The following NT5DC3 variants were observed in gnomAD, a reference collection of about 807,000 sequenced individuals.
NT5DC3 encodes 5'-nucleotidase domain-containing protein 3.
In NT5DC3, 42 loss-of-function variants were observed where a neutral mutation model predicts 67.8. The observed-to-expected ratio is 0.62, with a 90% CI of 0.48 to 0.80. The LOEUF (loss-of-function observed/expected upper bound fraction) is 0.80. NT5DC3 is among the 30% of genes least tolerant of loss of function. The pLI is 0.00. For synonymous variants in NT5DC3, 237 were observed against 255.6 expected, an observed-to-expected ratio of 0.93 and a Z score of 0.69; for missense variants, 570 against 696.4, an observed-to-expected ratio of 0.82 and a Z score of 2.04.
chr12:103,831,770 CTTTTT>C (rs568035358), intron 1 of NT5DC3, among the ~76,000 whole-genome samples: 20,830 of 109,648 alleles, frequency 0.19, 1,570 homozygotes, highest in Middle Eastern at 0.29. Flanking sequence ...TCAGCATCCT[CTTTTT>C]TTTTTTTTTT....
At chr12:103,826,829 T>C (rs1887716595) in intron 1 of NT5DC3, among the ~76,000 whole-genome samples, 1 of 152,216 alleles carries the variant, frequency 6.6e-6, no homozygotes, top group Non-Finnish European at 1.5e-5. Flanking sequence ...CCACAGAACT[T>C]TGCACAAATA....
intron 10 of NT5DC3, among the ~76,000 whole-genome samples, chr12:103,788,073 G>C (rs1041106795): frequency 6.6e-6 from 1 of 151,894 alleles, no homozygotes; most frequent in African/African-American, 2.4e-5. Context: ...ATGAACTTTA[G>C]TAACATAATA....
chr12:103,777,337 G>T lies in NT5DC3; in HGVS notation c.*492C>A, dbSNP rs1353841777. 6.3e-6 allele frequency: 1 copy of T among 158,132 alleles called. No individual in the cohort carries two copies. The highest frequency in any genetic ancestry group is 2.4e-5 in the African/African-American group (1 of 41,530). The allele number at this position is 158,132 out of a possible 1,614,324, so 9.8% of individuals were successfully genotyped here. Reference sequence around the variant, plus strand: ...ATTTGGGAACTGGCCATCACCTGGGGAACCTCTCTGCCACTCACAGCAGCG... The same window carrying T: ...ATTTGGGAACTGGCCATCACCTGGGTAACCTCTCTGCCACTCACAGCAGCG... On this transcript the variant is annotated 3_prime_UTR_variant, in exon 14 of 14. Coordinates refer to ENST00000392876, the MANE Select transcript of NT5DC3 (RefSeq NM_001031701.3).
chr12:103,816,178 G>A (rs1327102544), intron 1 of NT5DC3, among the ~76,000 whole-genome samples: 5 of 152,134 alleles, frequency 3.3e-5, no homozygotes, highest in African/African-American at 4.8e-5. Context: ...TATCCAAAAC[G>A]TTTGGGAACA....
At chr12:103,800,857 T>A (rs1431778849) in intron 4 of NT5DC3, among the ~76,000 whole-genome samples, 1 of 152,214 alleles carries the variant, frequency 6.6e-6, no homozygotes, top group Non-Finnish European at 1.5e-5. Context: ...AATTTATCCC[T>A]TTTGGGTCTC....
the NT5DC3 span, chr12:103,755,508 C>A: frequency 6.2e-7 from 1 of 1,609,920 alleles, no homozygotes; most frequent in Non-Finnish European, 8.5e-7. Context: ...GGCCACACAG[C>A]TGCTGAGCAA....
chr12:103,784,922 C>T (rs1885700789), intron 12 of NT5DC3, among the ~76,000 whole-genome samples: 1 of 152,196 alleles, frequency 6.6e-6, no homozygotes, highest in African/African-American at 2.4e-5. Context: ...TTCCAGTAAG[C>T]CATGGTGCCT....
chr12:103,788,334 C>T (rs1308175633), intron 10 of NT5DC3, among the ~76,000 whole-genome samples: 1 of 152,092 alleles, frequency 6.6e-6, no homozygotes, highest in Non-Finnish European at 1.5e-5. Flanking sequence ...TGATCCCAGC[C>T]ACCTGGGAGG....
intron 2 of NT5DC3, among the ~76,000 whole-genome samples, chr12:103,813,024 G>A (rs1050501085): frequency 1.3e-5 from 2 of 152,234 alleles, no homozygotes; most frequent in Non-Finnish European, 2.9e-5. Context: ...GATAAAGGCA[G>A]AATTTGAACC....
intron 9 of NT5DC3, among the ~76,000 whole-genome samples, chr12:103,790,790 C>T (rs914039010): frequency 5.1e-5 from 7 of 137,312 alleles, no homozygotes; most frequent in African/African-American, 1.3e-4. Flanking sequence ...CCCAGGTTCA[C>T]GCCATTCTCC....
chr12:103,761,490 C>G, the NT5DC3 span: 2 of 1,248,032 alleles, frequency 1.6e-6, no homozygotes, highest in Non-Finnish European at 2.3e-6. Flanking sequence ...TTACCAGAAG[C>G]CCTGTCCTCC....
intron 11 of NT5DC3, 77 bp from the exon 12 acceptor site, chr12:103,785,552 G>C: frequency 7.0e-7 from 1 of 1,431,584 alleles, no homozygotes; most frequent in Non-Finnish European, 9.8e-7. Context: ...CCAGACATGA[G>C]AGGCATTCAT....
At chr12:103,787,660 C>A in intron 10 of NT5DC3, 133 bp from the exon 11 acceptor site, 1 of 501,200 alleles carries the variant, frequency 2.0e-6, no homozygotes, top group Non-Finnish European at 3.5e-6. Flanking sequence ...AAGATAAAAG[C>A]ACCTTCATGG....
the NT5DC3 span, among the ~76,000 whole-genome samples, chr12:103,752,466 G>C: frequency 6.6e-6 from 1 of 152,310 alleles, no homozygotes; most frequent in South Asian, 2.1e-4. Flanking sequence ...ATAAAAATGT[G>C]ACTTGCTTCT....
At chr12:103,749,481 G>C in the NT5DC3 span, among the ~76,000 whole-genome samples, 1 of 152,050 alleles carries the variant, frequency 6.6e-6, no homozygotes, top group Non-Finnish European at 1.5e-5. Flanking sequence ...AGGAGAGTTT[G>C]CTCTTTGGCC....
the NT5DC3 span, chr12:103,746,796 C>A: frequency 7.7e-7 from 1 of 1,304,034 alleles, no homozygotes; most frequent in Non-Finnish European, 1.1e-6. Context: ...CCTAGCCCTC[C>A]TTCCTGTCTG....
intron 10 of NT5DC3, 46 bp downstream of exon 10, chr12:103,788,792 G>A (rs570886743): frequency 2.7e-4 from 339 of 1,264,294 alleles, no homozygotes; most frequent in Non-Finnish European, 3.7e-4. Flanking sequence ...CATTATTACC[G>A]ACCACAAAGC....
intron 4 of NT5DC3, among the ~76,000 whole-genome samples, chr12:103,799,539 A>C (rs1179663262): frequency 6.6e-6 from 1 of 152,206 alleles, no homozygotes; most frequent in Non-Finnish European, 1.5e-5. Context: ...GCTATGTGGA[A>C]CTATGAGTCC....
chr12:103,810,277 AGTCAAAAACATCCTC>A (rs779770284), intron 2 of NT5DC3, among the ~76,000 whole-genome samples: 4 of 152,148 alleles, frequency 2.6e-5, no homozygotes, highest in Non-Finnish European at 4.4e-5. Flanking sequence ...CAACCAGCCT[AGTCAAAAACATCCTC>A]GTGATTGGCC....
Sources: gnomAD v4.1 joint callset for allele counts (sites outside exome capture counted in the v4.1 genomes callset) on GRCh38, gnomAD v4.1.1 for gene constraint, MANE v1.5 for transcripts, NCBI Gene and HGNC (gene_info 2026-07-23, HGNC 2026-07-21) for gene names.